DLG1: variants seen among roughly 807,000 people sequenced by gnomAD.
DLG1 encodes the protein disks large homolog 1.
In DLG1, 42 loss-of-function variants were observed where a neutral mutation model predicts 123.4. That is an observed-to-expected ratio of 0.34 (90% CI 0.27 to 0.44). DLG1 has a LOEUF of 0.44. DLG1 is among the 20% of genes least tolerant of loss of function. The probability of loss-of-function intolerance (pLI) is 1.00; values close to 1 mark genes in which losing one functional copy is unlikely to be tolerated. For missense variants in DLG1, 942 were observed against 1,082.6 expected, an observed-to-expected ratio of 0.87 and a Z score of 1.82; for synonymous variants, 317 against 356.2, an observed-to-expected ratio of 0.89 and a Z score of 1.24.
At chr3:197,081,946 T>C (rs1751380742) in intron 16 of DLG1, among the ~76,000 whole-genome samples, 1 of 152,204 alleles carries the variant, frequency 6.6e-6, no homozygotes, top group African/African-American at 2.4e-5. Context: ...AATTTCGACA[T>C]AGCAATTATG....
intron 11 of DLG1, among the ~76,000 whole-genome samples, chr3:197,124,281 T>A (rs1277756323): frequency 6.6e-6 from 1 of 152,150 alleles, no homozygotes; most frequent in Non-Finnish European, 1.5e-5. Flanking sequence ...CTGGGTATGT[T>A]TTTTTATTTT....
chr3:197,103,200 T>G (rs1764485552), intron 14 of DLG1, among the ~76,000 whole-genome samples: 1 of 152,230 alleles, frequency 6.6e-6, no homozygotes, highest in Non-Finnish European at 1.5e-5. Flanking sequence ...TCTACTTGGT[T>G]GTCCAGGTAT....
chr3:197,085,468 A>C (rs955276518), intron 16 of DLG1, 112 bp downstream of exon 16: 1 of 1,091,858 alleles, frequency 9.2e-7, no homozygotes, highest in Non-Finnish European at 1.3e-6. Flanking sequence ...GGCTTTTTTC[A>C]ATTAGAATAA....
intron 4 of DLG1, among the ~76,000 whole-genome samples, chr3:197,238,852 A>G (rs957108096): frequency 6.6e-6 from 1 of 152,232 alleles, no homozygotes; most frequent in Admixed American, 6.5e-5. Flanking sequence ...GAGTAAATGT[A>G]TAGCTCTAAA....
At chr3:197,285,635 G>C (rs1461136095) in intron 3 of DLG1, among the ~76,000 whole-genome samples, 1 of 152,032 alleles carries the variant, frequency 6.6e-6, no homozygotes, top group Non-Finnish European at 1.5e-5. Flanking sequence ...GACAGAGATG[G>C]CAAGTGAGCA....
intron 11 of DLG1, among the ~76,000 whole-genome samples, chr3:197,124,709 T>C (rs1778151224): frequency 6.6e-6 from 1 of 152,110 alleles, no homozygotes; most frequent in African/African-American, 2.4e-5. Context: ...GCCAAATAAT[T>C]GGGACCACAG....
intron 20 of DLG1, among the ~76,000 whole-genome samples, 198 bp downstream of exon 20, chr3:197,066,506 G>A (rs1009154504): frequency 2.6e-5 from 4 of 152,032 alleles, no homozygotes; most frequent in African/African-American, 7.2e-5. Context: ...AAATATAAAA[G>A]TCAGTATGAA....
chr3:197,059,842 T>C (rs745737884), intron 23 of DLG1, 47 bp downstream of exon 23: 3 of 1,278,424 alleles, frequency 2.3e-6, no homozygotes, highest in Admixed American at 1.8e-5. Context: ...TACCCTACAG[T>C]GACTGAATTT....
intron 23 of DLG1, among the ~76,000 whole-genome samples, chr3:197,059,127 G>C (rs1030934247): frequency 3.0e-4 from 46 of 152,204 alleles, no homozygotes; most frequent in African/African-American, 1.0e-3. Flanking sequence ...GGGTTTCACC[G>C]TGTTGGCCAG....
chr3:197,064,816 T>C (rs566541347), intron 22 of DLG1, among the ~76,000 whole-genome samples: 76 of 152,110 alleles, frequency 5.0e-4, no homozygotes, highest in Non-Finnish European at 2.9e-4. Context: ...TTTTTTTTTC[T>C]TTTTTTAAGA....
At chr3:197,069,396 G>GT (rs1434839957) in intron 18 of DLG1, 136 bp from the exon 19 acceptor site, 2 of 500,460 alleles carry the variant, frequency 4.0e-6, no homozygotes, top group Non-Finnish European at 6.9e-6. Context: ...TCTTTGAAAC[G>GT]TTTAAGTTTT....
chr3:197,214,311 C>A (rs1732847765), intron 4 of DLG1, among the ~76,000 whole-genome samples: 1 of 152,004 alleles, frequency 6.6e-6, no homozygotes. Context: ...AAATGATATT[C>A]AGGGCCAGGC....
intron 19 of DLG1, among the ~76,000 whole-genome samples, chr3:197,068,909 A>G (rs1741562356): frequency 6.6e-6 from 1 of 152,148 alleles, no homozygotes; most frequent in Admixed American, 6.5e-5. Context: ...CAATTACTAA[A>G]CAGAAGGTCA....
rs371640264 is a variant in DLG1, at chr3:197,065,682, T to G, written c.2200+26A>C. On this transcript the variant is annotated intron_variant, in intron 21 of 24. Transcript: ENST00000667157. ...GACAGGAAATGTTAAGAGTAACAAT[T>G]AAATGTTTTTGTTTGGTTTACTTAC... 8 of 1,468,608 alleles carry G rather than the reference T, an allele frequency of 5.4e-6. No individual in the cohort carries two copies. The African/African-American group carries it at 7.0e-5, about 13-fold the overall frequency. 91.0% of individuals were successfully genotyped at this position (1,468,608 alleles called of 1,614,324 possible). A position where few individuals can be genotyped will look rare whatever the true frequency, so the allele number is the denominator to read the frequency against.
At chr3:197,286,356 G>A (rs995484955) in intron 3 of DLG1, among the ~76,000 whole-genome samples, 1 of 152,266 alleles carries the variant, frequency 6.6e-6, no homozygotes, top group East Asian at 1.9e-4. Flanking sequence ...AGAGGGTGGG[G>A]GAGCTTCTGC....
At chr3:197,183,674 T>G in intron 5 of DLG1, 1 of 1,550,628 alleles carries the variant, frequency 6.4e-7, no homozygotes, top group Non-Finnish European at 8.7e-7. Flanking sequence ...CTGGCTCAGC[T>G]TGCAGTTCAT....
At chr3:197,219,628 A>G (rs1735901143) in intron 4 of DLG1, among the ~76,000 whole-genome samples, 1 of 152,216 alleles carries the variant, frequency 6.6e-6, no homozygotes, top group South Asian at 2.1e-4. Flanking sequence ...TTATTCGAAG[A>G]CAAGGACTTC....
intron 5 of DLG1, chr3:197,183,910 A>G: frequency 6.8e-7 from 1 of 1,465,202 alleles, no homozygotes; most frequent in Non-Finnish European, 9.0e-7. Context: ...CAGCAGCATC[A>G]CTTGTAGATC....
At chr3:197,210,986 T>C (rs940466716) in intron 4 of DLG1, among the ~76,000 whole-genome samples, 3 of 146,222 alleles carry the variant, frequency 2.1e-5, no homozygotes, top group Admixed American at 1.4e-4. Context: ...CAAATATGAT[T>C]TATTTCAACA....
Sources: allele counts gnomAD v4.1 joint callset (sites outside exome capture counted in the v4.1 genomes callset), GRCh38; gene constraint gnomAD v4.1.1; transcripts MANE v1.5; gene names NCBI Gene and HGNC (gene_info 2026-07-23, HGNC 2026-07-21).